Variants in RHO observed in about 807,000 individuals in gnomAD.
The protein encoded by RHO is rhodopsin.
In RHO, 21 loss-of-function variants were observed where a neutral mutation model predicts 31.2. That is an observed-to-expected ratio of 0.67 (90% confidence interval 0.48 to 0.97). The LOEUF is 0.97. Ranked by LOEUF, RHO falls within the 50% of genes least tolerant of loss-of-function variation. The probability of loss-of-function intolerance (pLI) is 0.00; values close to 1 mark genes in which losing one functional copy is unlikely to be tolerated. For missense variants in RHO, 414 were observed against 479.5 expected (o/e 0.86, Z 1.28); for synonymous variants, 211 against 196.6 (o/e 1.07, Z -0.61).
chr3:129,528,779 G>A lies in RHO; in HGVS notation c.46G>A (p.Ala16Thr). 3 of 1,614,198 alleles carry A rather than the reference G, an allele frequency of 1.9e-6. No homozygotes were observed. Among genetic ancestry groups the A allele is most frequent in the Non-Finnish European group, 2.5e-6 (3 of 1,180,044 alleles). Reference protein sequence around the residue: ...GPNFYVPFSNATGVVRSPFEY... With the variant: ...GPNFYVPFSNTTGVVRSPFEY... The stretch of plus-strand genomic sequence containing the variant: ...TAACTTCTACGTGCCCTTCTCCAAT[G>A]CGACGGGTGTGGTACGCAGCCCCTT... The change falls in exon 1 of 5, where the codon GCG (alanine) becomes ACG (threonine). Residue 16 changes from alanine to threonine, a missense_variant. Ala to Thr is a moderately conservative substitution (Grantham distance 58). Transcript: ENST00000296271.
In RHO at chr3:129,532,419, A is replaced by T. The variant is rs2084787138; in HGVS notation, c.696+3A>T. The stretch of plus-strand genomic sequence containing the variant: ...AGCTCGTCTTCACCGTCAAGGAGGT[A>T]CGGGCCGGGGGGTGGGCGGCCTCAC... On this transcript the variant is annotated splice_donor_region_variant and intron_variant, in intron 3 of 4. Coordinates refer to ENST00000296271, the MANE Select transcript of RHO (RefSeq NM_000539.3). This position sits in a 1 kb window ranked among gnomAD's most constrained non-coding sequence, Gnocchi z 5.5. 1 of 1,613,942 alleles carries T rather than the reference A, an allele frequency of 6.2e-7. No individual in the cohort carries two copies. Among genetic ancestry groups the T allele is most frequent in the African/African-American group, 1.3e-5 (1 of 75,010 alleles).
In RHO at chr3:129,532,876, C is replaced by G; in HGVS notation, c.936+104C>G. 1 of 1,490,698 alleles carries G rather than the reference C, an allele frequency of 6.7e-7. No individual in the cohort carries two copies. The highest frequency in any genetic ancestry group is 9.2e-7 in the Non-Finnish European group (1 of 1,082,522). The allele number at this position is 1,490,698 out of a possible 1,614,324, so 92.3% of individuals were successfully genotyped here. ...AGGGGAGGGGGCTCCATCAGGGTTA[C>G]TGGCAGCAGTCTTGGGTCAGCAGTC... On this transcript the variant is annotated intron_variant, in intron 4 of 4. Transcript: ENST00000296271. The surrounding 1 kb of genome is among the most constrained non-coding windows in gnomAD (Gnocchi z 5.5).
chr3:129,535,198 C>G lies in RHO; in HGVS notation c.*1480C>G, dbSNP rs1001505294. The G allele has an allele frequency of 3.3e-5, 5 of 152,650 alleles. No individual in the cohort carries two copies. Among genetic ancestry groups the G allele is most frequent in the African/African-American group, 1.2e-4 (5 of 41,448 alleles). The allele number at this position is 152,650 out of a possible 1,614,324, so 9.5% of individuals were successfully genotyped here. ...TGGTGGGTTTTGTTGCTTTCACACT[C>G]TATCCACAGGATAGATTGAAACTGC... is the stretch of plus-strand genomic sequence containing the variant. On this transcript the variant is annotated 3_prime_UTR_variant, in exon 5 of 5. Coordinates refer to ENST00000296271, the MANE Select transcript of RHO (RefSeq NM_000539.3).
chr3:129,531,320 G>A (rs551043575), intron 2 of RHO, among the ~76,000 whole-genome samples: 1 of 152,314 alleles, frequency 6.6e-6, no homozygotes, highest in East Asian at 1.9e-4. Flanking sequence ...TAAGCTAGGC[G>A]CAAATTCCAA....
In RHO at chr3:129,535,184, G is replaced by T. The variant is rs905839814; in HGVS notation, c.*1466G>T. 6.6e-6 allele frequency: 1 copy of T among 152,584 alleles called. No individual in the cohort carries two copies. The highest frequency in any genetic ancestry group is 1.9e-4 in the East Asian group (1 of 5,186). 9.5% of individuals were successfully genotyped at this position (152,584 alleles called of 1,614,324 possible). ...GTTGGTATTAACGGTGGTGGGTTTT[G>T]TTGCTTTCACACTCTATCCACAGGA... On this transcript the variant is annotated 3_prime_UTR_variant, in exon 5 of 5. Coordinates refer to ENST00000296271, the MANE Select transcript of RHO (RefSeq NM_000539.3).
In RHO at chr3:129,528,877, C is replaced by G; in HGVS notation, c.144C>G (p.Ile48Met). ...SMLAAYMFLL[I>M]VLGFPINFLT... ...TGGCCGCCTACATGTTTCTGCTGAT[C>G]GTGCTGGGCTTCCCCATCAACTTCC... The change falls in exon 1 of 5, where the codon ATC becomes ATG. Residue 48 changes from isoleucine to methionine, a missense_variant. Coordinates refer to ENST00000296271, the MANE Select transcript of RHO (RefSeq NM_000539.3). 1.2e-6 allele frequency: 2 copies of G among 1,614,218 alleles called. No homozygotes were observed. The highest frequency in any genetic ancestry group is 1.7e-6 in the Non-Finnish European group (2 of 1,180,044).
Position 129,535,209 on chromosome 3 carries a change from A to G in RHO, c.*1491A>G, listed in dbSNP as rs759354812. On this transcript the variant is annotated 3_prime_UTR_variant, in exon 5 of 5. Transcript: ENST00000296271. The stretch of plus-strand genomic sequence containing the variant: ...GTTGCTTTCACACTCTATCCACAGG[A>G]TAGATTGAAACTGCCAGCTTCCACC... 6.6e-6 allele frequency: 1 copy of G among 152,556 alleles called. No individual in the cohort carries two copies. Among genetic ancestry groups the G allele is most frequent in the African/African-American group, 2.4e-5 (1 of 41,394 alleles). 9.5% of individuals were successfully genotyped at this position (152,556 alleles called of 1,614,324 possible).
Position 129,533,825 on chromosome 3 carries a change from G to C in RHO, c.*107G>C. The C allele has an allele frequency of 1.3e-6, 1 of 774,310 alleles. No homozygotes were observed. Among genetic ancestry groups the C allele is most frequent in the Non-Finnish European group, 2.2e-6 (1 of 445,218 alleles). The allele number at this position is 774,310 out of a possible 1,614,324, so 48.0% of individuals were successfully genotyped here. A position where few individuals can be genotyped will look rare whatever the true frequency, so the allele number is the denominator to read the frequency against. ...GCAGCGCCTGTGCAGAATGAACGAAGTCACATAGGCTCCTTAATTTTTTTT... is the reference window on the plus strand; with the variant it reads ...GCAGCGCCTGTGCAGAATGAACGAACTCACATAGGCTCCTTAATTTTTTTT... On this transcript the variant is annotated 3_prime_UTR_variant, in exon 5 of 5. Transcript: ENST00000296271.
chr3:129,529,431 C>T (rs1202323610), intron 1 of RHO, among the ~76,000 whole-genome samples: 6 of 152,216 alleles, frequency 3.9e-5, no homozygotes, highest in Non-Finnish European at 8.8e-5. Flanking sequence ...GTTGGAAGCC[C>T]GCATCTATCT....
At chr3:129,529,117 G>A in intron 1 of RHO, 23 bp downstream of exon 1, 1 of 1,605,190 alleles carries the variant, frequency 6.2e-7, no homozygotes, top group South Asian at 1.1e-5. Flanking sequence ...TGTGGGTGGG[G>A]TGTGCAGGAG....
Position 129,528,856 on chromosome 3 carries a change from C to T in RHO, c.123C>T (p.Ala41=), listed in dbSNP as rs781550757. ...LAEPWQFSML[A]AYMFLLIVLG... is the part of the protein sequence containing the mutation. ...AGCCATGGCAGTTCTCCATGCTGGC[C>T]GCCTACATGTTTCTGCTGATCGTGC... Residue 41 remains alanine, a synonymous_variant, in exon 1 of 5, where the codon GCC becomes GCT. Coordinates refer to ENST00000296271, the MANE Select transcript of RHO (RefSeq NM_000539.3). The T allele has an allele frequency of 8.7e-6, 14 of 1,614,236 alleles. No homozygotes were observed. Among genetic ancestry groups the T allele is most frequent in the South Asian group, 7.7e-5 (7 of 91,084 alleles).
chr3:129,530,209 C>T (rs2084768678), intron 1 of RHO, among the ~76,000 whole-genome samples: 1 of 152,134 alleles, frequency 6.6e-6, no homozygotes, highest in Admixed American at 6.6e-5. Flanking sequence ...AATATTGTCC[C>T]TTTCACTGTT....
rs750430777 is a variant in RHO, at chr3:129,532,802, G to A, written c.936+30G>A. On this transcript the variant is annotated intron_variant, in intron 4 of 4. Transcript: ENST00000296271. This position sits in a 1 kb window ranked among gnomAD's most constrained non-coding sequence, Gnocchi z 5.5. ...CTACTGCGGGTGGGAGGGCCCCAGT[G>A]CCCCAGGCCACAGGCGCTGCCTGCC... The A allele has an allele frequency of 1.8e-5, 29 of 1,612,804 alleles. 1 individual carries two copies. In the South Asian group the frequency reaches 3.2e-4, roughly 18 times the overall value.
Position 129,532,712 on chromosome 3 carries a change from G to C in RHO, c.876G>C (p.Ala292=), listed in dbSNP as rs145004306. 1 of 1,614,240 alleles carries C rather than the reference G, an allele frequency of 6.2e-7. No homozygotes were observed. The highest frequency in any genetic ancestry group is 1.1e-5 in the South Asian group (1 of 91,090). Residue 292 remains alanine (A), a synonymous_variant, in exon 4 of 5, where the codon GCG becomes GCC. Coordinates refer to ENST00000296271, the MANE Select transcript of RHO (RefSeq NM_000539.3). This position sits in a 1 kb window ranked among gnomAD's most constrained non-coding sequence, Gnocchi z 5.5. ...NFGPIFMTIP[A]FFAKSAAIYN... ...GTCCCATCTTCATGACCATCCCAGC[G>C]TTCTTTGCCAAGAGCGCCGCCATCT...
intron 1 of RHO, among the ~76,000 whole-genome samples, chr3:129,529,540 C>A (rs1394528411): frequency 3.9e-5 from 6 of 152,180 alleles, no homozygotes; most frequent in Non-Finnish European, 7.3e-5. Flanking sequence ...CAAGCCAGAC[C>A]CCTCCTCTCT....
chr3:129,530,895 C>T lies in RHO; in HGVS notation c.381C>T (p.Ser127=), dbSNP rs146311684. ...TTGCAGGTGAAATTGCCCTGTGGTCCTTGGTGGTCCTGGCCATCGAGCGGT... is the reference window on the plus strand; with the variant it reads ...TTGCAGGTGAAATTGCCCTGTGGTCTTTGGTGGTCCTGGCCATCGAGCGGT... ...ATLGGEIALW[S]LVVLAIERYV... is the part of the protein sequence containing the mutation. Residue 127 remains serine, a synonymous_variant, in exon 2 of 5, where the codon TCC becomes TCT. Transcript: ENST00000296271. The T allele has an allele frequency of 6.2e-7, 1 of 1,614,238 alleles. No homozygotes were observed. Among genetic ancestry groups the T allele is most frequent in the Non-Finnish European group, 8.5e-7 (1 of 1,180,048 alleles).
chr3:129,532,877 T>G lies in RHO; in HGVS notation c.936+105T>G. ...GGGGAGGGGGCTCCATCAGGGTTAC[T>G]GGCAGCAGTCTTGGGTCAGCAGTCC... On this transcript the variant is annotated intron_variant, in intron 4 of 4. Transcript: ENST00000296271. This position sits in a 1 kb window ranked among gnomAD's most constrained non-coding sequence, Gnocchi z 5.5. The G allele has an allele frequency of 6.7e-7, 1 of 1,488,622 alleles. No homozygotes were observed. The highest frequency in any genetic ancestry group is 9.3e-7 in the Non-Finnish European group (1 of 1,080,806). 92.2% of individuals were successfully genotyped at this position (1,488,622 alleles called of 1,614,324 possible). A position where few individuals can be genotyped will look rare whatever the true frequency, so the allele number is the denominator to read the frequency against.
At chr3:129,530,772 C>T (rs2084773951) in intron 1 of RHO, 104 bp from the exon 2 acceptor site, 1 of 1,411,366 alleles carries the variant, frequency 7.1e-7, no homozygotes, top group Non-Finnish European at 1.0e-6. Context: ...AAATCCCTCT[C>T]CCACTCCTGG....
In RHO at chr3:129,533,656, G is replaced by C; in HGVS notation, c.985G>C (p.Gly329Arg). The change falls in exon 5 of 5, where the codon GGT becomes CGT. Residue 329 changes from glycine to arginine, a missense_variant. Physicochemically the swap from Gly to Arg is moderately radical, Grantham distance 125 (BLOSUM62 -2). Coordinates refer to ENST00000296271, the MANE Select transcript of RHO (RefSeq NM_000539.3). ...CATCTGCTGCGGCAAGAACCCACTG[G>C]GTGACGATGAGGCCTCTGCTACCGT... ...TTICCGKNPL[G>R]DDEASATVSK... 3.1e-6 allele frequency: 5 copies of C among 1,614,076 alleles called. No individual in the cohort carries two copies. Among genetic ancestry groups the C allele is most frequent in the Non-Finnish European group, 3.4e-6 (4 of 1,180,014 alleles).
Sources: gnomAD v4.1 joint callset for allele counts (sites outside exome capture counted in the v4.1 genomes callset) on GRCh38, gnomAD v4.1.1 for gene constraint, Gnocchi (gnomAD v3.1) non-coding constraint, MANE v1.5 for transcripts, NCBI Gene and HGNC (gene_info 2026-07-23, HGNC 2026-07-21) for gene names.